OTOG: variants seen among roughly 807,000 people sequenced by gnomAD.
OTOG encodes otogelin.
In OTOG, 296 loss-of-function variants were observed where a neutral mutation model predicts 313.8. That is an observed-to-expected ratio of 0.94 (90% CI 0.86 to 1.04). The LOEUF (loss-of-function observed/expected upper bound fraction) is 1.04, where lower values mean the gene tolerates loss of function less well. Among genes scored for constraint, OTOG ranks in the 50% least tolerant of loss-of-function variants. The probability of loss-of-function intolerance (pLI) is 0.00; values close to 1 mark genes in which losing one functional copy is unlikely to be tolerated. For missense variants in OTOG, 3,948 were observed against 3,840.1 expected (o/e 1.03, Z -0.74); for synonymous variants, 1,533 against 1,554.9 (o/e 0.99, Z 0.33).
In OTOG at chr11:17,635,111, G is replaced by T. The variant is rs908026995; in HGVS notation, c.7617G>T (p.Leu2539=). The T allele has an allele frequency of 1.3e-6, 2 of 1,549,232 alleles. No individual in the cohort carries two copies. Among genetic ancestry groups the T allele is most frequent in the African/African-American group, 2.7e-5 (2 of 73,100 alleles). ...ACCCAGATCTCTGTGAGGCAGAGCTGGTCCCCAGCTGCCGACAGGACCAGA... is the reference window on the plus strand; with the variant it reads ...ACCCAGATCTCTGTGAGGCAGAGCTTGTCCCCAGCTGCCGACAGGACCAGA... The part of the protein sequence containing the change: ...ECDPDLCEAE[L]VPSCRQDQIL... The change falls in exon 46 of 56, where the codon CTG becomes CTT. Residue 2539 remains leucine, a synonymous_variant. Transcript: ENST00000399397.
chr11:17,605,872 C>T lies in OTOG; in HGVS notation c.3893C>T (p.Ser1298Phe). The T allele has an allele frequency of 6.5e-7, 1 of 1,546,366 alleles. No homozygotes were observed. The highest frequency in any genetic ancestry group is 8.7e-7 in the Non-Finnish European group (1 of 1,144,276). ...KAKAHDPDVV[S>F]LEAADRPNFF... ...TTCTCTGCAGACCCAGATGTGGTGT[C>T]CCTGGAGGCAGCAGACAGACCCAAC... The change falls in exon 33 of 56, where the codon TCC becomes TTC. Residue 1298 changes from serine to phenylalanine, a missense_variant. Ser to Phe is a radical substitution (Grantham distance 155). Transcript: ENST00000399397.
intron 43 of OTOG, 29 bp downstream of exon 43, chr11:17,633,903 G>T (rs929251054): frequency 1.3e-6 from 2 of 1,502,260 alleles, no homozygotes; most frequent in East Asian, 2.5e-5. Flanking sequence ...TGAGTGGGGG[G>T]CCTCCAAAGC....
At chr11:17,557,401 A>G (rs1589996555) in intron 8 of OTOG, 78 bp downstream of exon 8, 1 of 1,389,904 alleles carries the variant, frequency 7.2e-7, no homozygotes. Context: ...GTTGGAGGGG[A>G]CTTGGAACAG....
chr11:17,628,635 T>A (rs1454507683), intron 39 of OTOG, among the ~76,000 whole-genome samples: 3 of 152,152 alleles, frequency 2.0e-5, no homozygotes, highest in Non-Finnish European at 4.4e-5. Context: ...CTTAAGAAAC[T>A]CAGTTCACTG....
rs1852799524 is a variant in OTOG, at chr11:17,586,576, T to A, written c.2862T>A (p.His954Gln). Residue 954 changes from histidine (H) to glutamine (Q), a missense_variant, in exon 24 of 56, where the codon CAT becomes CAA. Transcript: ENST00000399397. ...GGGACCAGGTGATGTCTCCTTGCCA[T>A]ACCTGGTAAGTGAGGGTCCCAAGCA... Reference protein sequence around the residue: ...FPGDQVMSPCHTCVCQRGSFQ... With the variant: ...FPGDQVMSPCQTCVCQRGSFQ... 1.7e-5 allele frequency: 23 copies of A among 1,387,886 alleles called. No homozygotes were observed. The highest frequency in any genetic ancestry group is 1.8e-4 in the Middle Eastern group (1 of 5,430). The allele number at this position is 1,387,886 out of a possible 1,614,324, so 86.0% of individuals were successfully genotyped here.
intron 22 of OTOG, chr11:17,578,146 T>G: frequency 9.3e-6 from 8 of 860,902 alleles, no homozygotes; most frequent in Non-Finnish European, 1.2e-5. Flanking sequence ...ATGGAGGACG[T>G]GCAGAGATGG....
At chr11:17,589,851 C>T (rs1411865218) in intron 24 of OTOG, among the ~76,000 whole-genome samples, 1 of 152,204 alleles carries the variant, frequency 6.6e-6, no homozygotes, top group Non-Finnish European at 1.5e-5. Context: ...TCCTCACCTT[C>T]CTAGACCTGT....
intron 39 of OTOG, among the ~76,000 whole-genome samples, chr11:17,622,177 A>C (rs910527655): frequency 6.6e-6 from 1 of 152,156 alleles, no homozygotes; most frequent in Non-Finnish European, 1.5e-5. Flanking sequence ...CCCTCTACAT[A>C]ATAGTTCATG....
intron 54 of OTOG, 39 bp from the exon 55 acceptor site, chr11:17,645,525 G>T: frequency 6.5e-7 from 1 of 1,542,806 alleles, no homozygotes; most frequent in Non-Finnish European, 8.8e-7. Flanking sequence ...GAAGAAGCCT[G>T]GTCTTGGCCA....
chr11:17,578,274 C>T (rs1344108090), intron 22 of OTOG, 99 bp from the exon 23 acceptor site: 7 of 1,408,460 alleles, frequency 5.0e-6, no homozygotes, highest in African/African-American at 2.9e-5. Context: ...AGGAGACTTC[C>T]GAGCCCGTCT....
rs56402246 is a variant in OTOG at position 17,548,418 on chromosome 11, C to CTTTTTTTTTTTTTTTTTTTTT, written c.216+224_216+244dup. 2.6e-4 allele frequency among the ~76,000 whole-genome samples: 23 copies of CTTTTTTTTTTTTTTTTTTTTT among 87,616 alleles called. 2 individuals are homozygous for CTTTTTTTTTTTTTTTTTTTTT. Among genetic ancestry groups the CTTTTTTTTTTTTTTTTTTTTT allele is most frequent in the African/African-American group, 3.3e-4 (7 of 21,084 alleles). The allele number at this position is 87,616 out of a possible 152,430, so 57.5% of individuals were successfully genotyped here. ...ATCTCTTGGGGGTCTATAGTCCACT[C>CTTTTTTTTTTTTTTTTTTTTT]TTTTTTTTTTTTTTTTTTTTTTTTT... is the stretch of plus-strand genomic sequence containing the variant. On this transcript the variant is annotated intron_variant, in intron 3 of 55. Coordinates refer to ENST00000399397, the MANE Select transcript of OTOG (RefSeq NM_001292063.2).
In OTOG at chr11:17,553,143, G is replaced by T; in HGVS notation, c.317G>T (p.Gly106Val). The T allele has an allele frequency of 6.4e-7, 1 of 1,550,574 alleles. No homozygotes were observed. The highest frequency in any genetic ancestry group is 8.7e-7 in the Non-Finnish European group (1 of 1,146,990). ...PSYLFSCFNG[G>V]ECVHPAFCDC... ...GACTTGTTCTCCTGCTTCAATGGAGGCGAGTGTGTGCACCCAGCCTTCTGT... is the reference window on the plus strand; with the variant it reads ...GACTTGTTCTCCTGCTTCAATGGAGTCGAGTGTGTGCACCCAGCCTTCTGT... Residue 106 changes from glycine (G) to valine (V), a missense_variant, in exon 5 of 56, where the codon GGC becomes GTC. Physicochemically the swap from Gly to Val is moderately radical, Grantham distance 109 (BLOSUM62 -3). Coordinates refer to ENST00000399397, the MANE Select transcript of OTOG (RefSeq NM_001292063.2).
Position 17,635,203 on chromosome 11 carries a change from C to A in OTOG, c.7693+16C>A. ...TACTTCTGCGGTGGGTCGCCGCCAC[C>A]AGACGCCAGCGCACACAGCCTGATC... On this transcript the variant is annotated intron_variant, in intron 46 of 55. Transcript: ENST00000399397. The A allele has an allele frequency of 6.6e-7, 1 of 1,526,628 alleles. No individual in the cohort carries two copies. Among genetic ancestry groups the A allele is most frequent in the South Asian group, 1.2e-5 (1 of 83,328 alleles). 94.6% of individuals were successfully genotyped at this position (1,526,628 alleles called of 1,614,324 possible). A position where few individuals can be genotyped will look rare whatever the true frequency, so the allele number is the denominator to read the frequency against.
At chr11:17,639,922 G>GGTGGTGGTGATGGTGAGGATGGTC in intron 49 of OTOG, among the ~76,000 whole-genome samples, 1 of 150,020 alleles carries the variant, frequency 6.7e-6, no homozygotes, top group African/African-American at 2.5e-5. Flanking sequence ...TGAGGATGGT[G>GGTGGTGGTGATGGTGAGGATGGTC]GTGGTGGTGA....
At chr11:17,618,674 G>A (rs1853789119) in intron 39 of OTOG, among the ~76,000 whole-genome samples, 1 of 152,104 alleles carries the variant, frequency 6.6e-6, no homozygotes, top group African/African-American at 2.4e-5. Context: ...TTGTTTATTT[G>A]TCTATTTCTC....
chr11:17,610,682 TCC>T lies in OTOG; in HGVS notation c.5384_5385del (p.Pro1795LeufsTer51), dbSNP rs1853510528. Reference sequence around the variant, plus strand: ...CCTTCATGTCCCTTGAGTCAACTCGTCCCTCCCAGCTCCTCTCTGGCCTGCCT... The same window carrying T: ...CCTTCATGTCCCTTGAGTCAACTCGTCTCCCAGCTCCTCTCTGGCCTGCCT... ...TPFMSLESTR[P>X]SQLLSGLPPD... On this transcript the variant is annotated frameshift_variant, in exon 36 of 56. Transcript: ENST00000399397. LOFTEE classifies it high-confidence loss of function. The T allele has an allele frequency of 6.4e-7, 1 of 1,550,394 alleles. No homozygotes were observed. The highest frequency in any genetic ancestry group is 1.4e-5 in the African/African-American group (1 of 73,070).
chr11:17,563,147 G>A (rs1852224081), intron 15 of OTOG, among the ~76,000 whole-genome samples: 1 of 152,222 alleles, frequency 6.6e-6, no homozygotes, highest in African/African-American at 2.4e-5. Flanking sequence ...TGGCCAATGT[G>A]CAAGTCTGGG....
At chr11:17,591,828 G>A (rs1267943305) in intron 25 of OTOG, among the ~76,000 whole-genome samples, 1 of 152,338 alleles carries the variant, frequency 6.6e-6, no homozygotes, top group East Asian at 1.9e-4. Flanking sequence ...TTGGGTCCCA[G>A]TGCTTTTTTC....
intron 11 of OTOG, 101 bp downstream of exon 11, chr11:17,559,262 A>G (rs1852125856): frequency 9.7e-7 from 1 of 1,030,620 alleles, no homozygotes; most frequent in African/African-American, 1.6e-5. Context: ...CACAGTTATC[A>G]GAACTCTCAG....
Sources: gnomAD v4.1 joint callset for allele counts (sites outside exome capture counted in the v4.1 genomes callset) on GRCh38, gnomAD v4.1.1 for gene constraint, MANE v1.5 for transcripts, NCBI Gene and HGNC (gene_info 2026-07-23, HGNC 2026-07-21) for gene names.